CFAP91: variants seen among roughly 807,000 people sequenced by gnomAD.
The protein encoded by CFAP91 is cilia and flagella associated protein 91.
CFAP91 carries 85 observed loss-of-function variants against 95.9 expected under a neutral mutation model. The observed-to-expected ratio is 0.89, with a 90% CI of 0.74 to 1.06. The LOEUF (loss-of-function observed/expected upper bound fraction) is 1.06, where lower values mean the gene tolerates loss of function less well. Ranked by LOEUF, CFAP91 falls within the 50% of genes least tolerant of loss-of-function variation. CFAP91 has a pLI of 0.00. For synonymous variants in CFAP91, 335 were observed against 327.5 expected, an observed-to-expected ratio of 1.02 and a Z score of -0.25; for missense variants, 962 against 943.4, an observed-to-expected ratio of 1.02 and a Z score of -0.26.
intron 13 of CFAP91, among the ~76,000 whole-genome samples, chr3:119,741,471 T>C (rs1051903525): frequency 6.6e-6 from 1 of 152,330 alleles, no homozygotes; most frequent in South Asian, 2.1e-4. Context: ...TTTCATGATA[T>C]GTGGTGACTT....
At chr3:119,754,192 G>A (rs2054380328) in intron 17 of CFAP91, among the ~76,000 whole-genome samples, 1 of 152,272 alleles carries the variant, frequency 6.6e-6, no homozygotes, top group East Asian at 1.9e-4. Context: ...TAGAGGAAAG[G>A]TGACCCTTAT....
At chr3:119,747,622 A>G (rs2054247780) in intron 15 of CFAP91, 189 bp from the exon 16 acceptor site, 1 of 601,272 alleles carries the variant, frequency 1.7e-6, no homozygotes, top group Non-Finnish European at 2.9e-6. Flanking sequence ...TAACTGAAGG[A>G]CAGGGTCAAA....
intron 15 of CFAP91, 148 bp downstream of exon 15, chr3:119,747,411 G>T: frequency 1.2e-6 from 1 of 854,760 alleles, no homozygotes; most frequent in Non-Finnish European, 1.8e-6. Flanking sequence ...TAACTCTTGA[G>T]AAGCCAATAT....
At chr3:119,754,127 T>C (rs1434360298) in intron 17 of CFAP91, among the ~76,000 whole-genome samples, 4 of 152,176 alleles carry the variant, frequency 2.6e-5, no homozygotes, top group Non-Finnish European at 5.9e-5. Context: ...ATATGGACAT[T>C]GAGGGTGATT....
intron 12 of CFAP91, 182 bp downstream of exon 12, chr3:119,739,508 C>T (rs1158149138): frequency 3.5e-6 from 2 of 564,912 alleles, no homozygotes; most frequent in African/African-American, 1.9e-5. Context: ...CATCATTTGT[C>T]CAGGTGGGTG....
At chr3:119,747,761 C>T (rs771685582) in intron 15 of CFAP91, 50 bp from the exon 16 acceptor site, 2 of 1,498,084 alleles carry the variant, frequency 1.3e-6, no homozygotes, top group Admixed American at 3.4e-5. Flanking sequence ...AAATCAGCAG[C>T]TCAAGTGAAA....
At chr3:119,723,060 A>G (rs1048846978) in intron 6 of CFAP91, among the ~76,000 whole-genome samples, 1 of 152,200 alleles carries the variant, frequency 6.6e-6, no homozygotes, top group African/African-American at 2.4e-5. Flanking sequence ...AGCACTTTTC[A>G]TCTTCTCTTC....
intron 1 of CFAP91, among the ~76,000 whole-genome samples, chr3:119,704,199 GAGA>G (rs1286560210): frequency 2.6e-5 from 4 of 152,128 alleles, no homozygotes; most frequent in African/African-American, 7.2e-5. Context: ...CGGGTAATTT[GAGA>G]AGGAGGACAA....
At chr3:119,703,789 C>T (rs1236078805) in intron 1 of CFAP91, among the ~76,000 whole-genome samples, 1 of 152,160 alleles carries the variant, frequency 6.6e-6, no homozygotes, top group African/African-American at 2.4e-5. Flanking sequence ...TTTTCTCTCT[C>T]TCCACGCTCC....
At chr3:119,745,878 T>C (rs115056399) in intron 14 of CFAP91, among the ~76,000 whole-genome samples, 2 of 152,228 alleles carry the variant, frequency 1.3e-5, no homozygotes, top group Non-Finnish European at 2.9e-5. Flanking sequence ...TACAGTATCA[T>C]ATACTCAGAA....
At chr3:119,733,560 A>G (rs2053943690) in intron 10 of CFAP91, 54 bp downstream of exon 10, 2 of 1,570,896 alleles carry the variant, frequency 1.3e-6, no homozygotes, top group African/African-American at 1.4e-5. Context: ...TTGCAGATAA[A>G]TGCTACACTC....
intron 15 of CFAP91, 162 bp from the exon 16 acceptor site, chr3:119,747,649 G>A (rs2054248900): frequency 1.5e-6 from 1 of 654,544 alleles, no homozygotes; most frequent in Non-Finnish European, 2.5e-6. Flanking sequence ...TTTTTTTGTG[G>A]AGTTAAACAA....
rs1205193979 is a variant in CFAP91, at chr3:119,708,656, G to C, written c.425G>C (p.Arg142Pro). Residue 142 changes from arginine (R) to proline (P), a missense_variant, in exon 4 of 18, where the codon CGC becomes CCC. By Grantham distance (103) the Arg-to-Pro change is moderately radical. Transcript: ENST00000273390. ...GATCCTGAAGTTACTGGAAAGAATC[G>C]CTATAAATACTTTGAAAGGTAGAAC... Reference protein sequence around the residue: ...YEDPEVTGKNRYKYFERPFLP... With the variant: ...YEDPEVTGKNPYKYFERPFLP... 3 of 1,591,464 alleles carry C rather than the reference G, an allele frequency of 1.9e-6. No individual in the cohort carries two copies. Among genetic ancestry groups the C allele is most frequent in the Non-Finnish European group, 2.6e-6 (3 of 1,163,852 alleles).
chr3:119,750,895 T>TGG (rs2054311803), intron 16 of CFAP91, 42 bp from the exon 17 acceptor site: 2 of 1,611,076 alleles, frequency 1.2e-6, no homozygotes, highest in East Asian at 4.5e-5. Flanking sequence ...ATGGTTTTGT[T>TGG]CAGACTTTCA....
chr3:119,732,215 C>A, intron 8 of CFAP91, 79 bp from the exon 9 acceptor site: 2 of 1,088,168 alleles, frequency 1.8e-6, no homozygotes, highest in South Asian at 1.8e-5. Flanking sequence ...GTGAATAACA[C>A]TAGCATTGGC....
rs151167502 is a variant in CFAP91 at position 119,732,420 on chromosome 3, C to A, written c.1145C>A (p.Pro382Gln). The A allele has an allele frequency of 6.2e-7, 1 of 1,612,344 alleles. No individual in the cohort carries two copies. Among genetic ancestry groups the A allele is most frequent in the Non-Finnish European group, 8.5e-7 (1 of 1,179,306 alleles). The change falls in exon 9 of 18, where the codon CCA (proline) becomes CAA (glutamine). Residue 382 changes from proline to glutamine, a missense_variant. Physicochemically the swap from Pro to Gln is moderately conservative, Grantham distance 76 (BLOSUM62 -1). Coordinates refer to ENST00000273390, the MANE Select transcript of CFAP91 (RefSeq NM_033364.4). ...CCTCTGTCTCGTCTTGGGTGTTTCC[C>A]AGACAACAACTCAGAGGACTTTGTA... is the stretch of plus-strand genomic sequence containing the variant. ...YGPLSRLGCF[P>Q]DNNSEDFVVK... is the part of the protein sequence containing the mutation.
intron 1 of CFAP91, chr3:119,705,959 C>T (rs557673199): frequency 4.6e-5 from 7 of 152,318 alleles, no homozygotes; most frequent in African/African-American, 1.7e-4. Context: ...CACACATTAT[C>T]CAAATTCAAA....
intron 17 of CFAP91, among the ~76,000 whole-genome samples, chr3:119,761,093 A>T (rs2054529886): frequency 6.6e-6 from 1 of 150,424 alleles, no homozygotes; most frequent in Non-Finnish European, 1.5e-5. Flanking sequence ...AAAATTCGGT[A>T]TTTTGAAAAG....
At chr3:119,740,457 C>A in intron 12 of CFAP91, 92 bp from the exon 13 acceptor site, 2 of 1,431,886 alleles carry the variant, frequency 1.4e-6, no homozygotes, top group South Asian at 1.3e-5. Context: ...CCACTGTTCA[C>A]AAGTGTCTCA....
Sources: allele counts gnomAD v4.1 joint callset (sites outside exome capture counted in the v4.1 genomes callset), GRCh38; gene constraint gnomAD v4.1.1; transcripts MANE v1.5; gene names NCBI Gene and HGNC (gene_info 2026-07-23, HGNC 2026-07-21).